Variants in NOX5 observed in about 807,000 individuals in gnomAD.
The protein encoded by NOX5 is NADPH oxidase, EF-hand calcium binding domain 5.
In NOX5, 76 loss-of-function variants were observed where a neutral mutation model predicts 85.7. The observed-to-expected ratio is 0.89, with a 90% CI of 0.74 to 1.07. The LOEUF (loss-of-function observed/expected upper bound fraction) is 1.07. NOX5 is among the 50% of genes least tolerant of loss of function. The probability of loss-of-function intolerance (pLI) is 0.00; values close to 1 mark genes in which losing one functional copy is unlikely to be tolerated. For synonymous variants in NOX5, 405 were observed against 401.4 expected (o/e 1.01, Z -0.11); for missense variants, 973 against 999.5 (o/e 0.97, Z 0.36).
chr15:69,043,926 C>T (rs947718780), intron 10 of NOX5, among the ~76,000 whole-genome samples: 40 of 152,248 alleles, frequency 2.6e-4, no homozygotes, highest in African/African-American at 9.4e-4. Flanking sequence ...TGGCTCACGC[C>T]TGTAATCCCA....
rs573642687 is a variant in NOX5 at position 69,054,073 on chromosome 15, G to A, written c.2000-1261G>A. ...TGGGTGTAGAGGAAGAGAGGGAGAG[G>A]AGAAGGATGAGGTGATCGTCAGTCA... is the stretch of plus-strand genomic sequence containing the variant. On this transcript the variant is annotated intron_variant, in intron 14 of 15. Coordinates refer to ENST00000388866, the MANE Select transcript of NOX5 (RefSeq NM_024505.4). Among the ~76,000 whole-genome samples, 244 of 152,060 alleles carry A rather than the reference G, an allele frequency of 1.6e-3. 2 individuals carry two copies. Among genetic ancestry groups the A allele is most frequent in the Non-Finnish European group, 3.0e-3 (204 of 68,006 alleles).
At chr15:69,030,286 G>A (rs763597329) in intron 3 of NOX5, 3 of 152,180 alleles carry the variant, frequency 2.0e-5, no homozygotes, top group African/African-American at 4.8e-5. Flanking sequence ...TACGCGCGAC[G>A]GGGAGCCATC....
At chr15:69,054,606 T>C (rs311904) in intron 14 of NOX5, among the ~76,000 whole-genome samples, 127,221 of 152,200 alleles carry the variant, frequency 0.84, 55,383 homozygotes, top group Non-Finnish European at 0.96. Flanking sequence ...CCTCTCACTC[T>C]GTACTCACAC....
In NOX5 at chr15:69,037,237, C is replaced by T. The variant is rs768495718; in HGVS notation, c.1371+27C>T. 1.6e-5 allele frequency: 25 copies of T among 1,596,098 alleles called. No homozygotes were observed. The East Asian group carries it at 5.6e-4, about 36-fold the overall frequency. Reference sequence around the variant, plus strand: ...TACAAAGGTGGGGGATGGGGAGGTGCTTTTCCAACTCACCCCAAGGGACAG... The same window carrying T: ...TACAAAGGTGGGGGATGGGGAGGTGTTTTTCCAACTCACCCCAAGGGACAG... On this transcript the variant is annotated intron_variant, in intron 8 of 15. Transcript: ENST00000388866.
intron 3 of NOX5, chr15:69,030,038 C>T (rs2050409294): frequency 2.6e-5 from 4 of 152,108 alleles, no homozygotes; most frequent in Admixed American, 2.0e-4. Context: ...ACTCACTGTA[C>T]TTATAGTGTC....
Position 69,047,511 on chromosome 15 carries a change from T to C in NOX5, c.1791T>C (p.Ala597=). The change falls in exon 12 of 16, where the codon GCT becomes GCC. Residue 597 remains alanine, a synonymous_variant. Transcript: ENST00000388866. ...IGAGIGITPF[A]SILQSIMYRH... The stretch of plus-strand genomic sequence containing the variant: ...CAGGCATCGGCATCACCCCCTTTGC[T>C]TCCATTCTGCAGAGTATCATGTACA... 6.2e-7 allele frequency: 1 copy of C among 1,614,022 alleles called. No individual in the cohort carries two copies. The highest frequency in any genetic ancestry group is 1.1e-5 in the South Asian group (1 of 91,076).
chr15:69,033,266 A>C lies in NOX5; in HGVS notation c.844A>C (p.Ser282Arg), dbSNP rs150003957. 19,969 of 1,594,468 alleles carry C rather than the reference A, an allele frequency of 0.013. 152 individuals are homozygous for C. Among genetic ancestry groups the C allele is most frequent in the South Asian group, 0.026 (2,324 of 89,788 alleles). ...GCGQCLNFDC[S>R]FIAVLMLRRC... ...CGGCCAGTGCCTCAACTTCGACTGC[A>C]GCTTCATCGCGGTAGGCTCTGCCAG... Residue 282 changes from serine (S) to arginine (R), a missense_variant, in exon 5 of 16, where the codon AGC (serine) becomes CGC (arginine). Coordinates refer to ENST00000388866, the MANE Select transcript of NOX5 (RefSeq NM_024505.4).
At chr15:69,022,864 T>G in intron 1 of NOX5, 1 of 388,126 alleles carries the variant, frequency 2.6e-6, no homozygotes, top group South Asian at 2.3e-5. Context: ...ACAACTGGAC[T>G]GGACTCAAGC....
intron 5 of NOX5, 66 bp from the exon 6 acceptor site, chr15:69,035,288 G>T: frequency 6.5e-7 from 1 of 1,548,598 alleles, no homozygotes; most frequent in Non-Finnish European, 8.8e-7. Flanking sequence ...GCAGGGAGGT[G>T]GCTGGGAAAA....
chr15:69,028,349 G>A lies in NOX5; in HGVS notation c.309G>A (p.Gln103=), dbSNP rs1444064962. The A allele has an allele frequency of 1.9e-6, 3 of 1,607,212 alleles. No homozygotes were observed. The Admixed American group carries it at 5.1e-5, about 27-fold the overall frequency. Residue 103 remains glutamine (Q), a synonymous_variant, in exon 3 of 16, where the codon CAG becomes CAA. Transcript: ENST00000388866. ...TGGACAAACTCAAATTCCTCTTCCAGGTGTATGACATCGATGGTAAGGGCT... is the reference window on the plus strand; with the variant it reads ...TGGACAAACTCAAATTCCTCTTCCAAGTGTATGACATCGATGGTAAGGGCT... ...SPMDKLKFLF[Q]VYDIDVCARQ... is the part of the protein sequence containing the mutation.
rs192004570 is a variant in NOX5, at chr15:69,016,055, G to A, written c.50+1270G>A. On this transcript the variant is annotated intron_variant, in intron 1 of 15. Transcript: ENST00000388866. ...CACGAGGGATGAGAAGGTCTGATGC[G>A]AAGCTCTCTTCCTCTTTTCCAGCTG... is the stretch of plus-strand genomic sequence containing the variant. Among the ~76,000 whole-genome samples the A allele has an allele frequency of 1.2e-4, 19 of 152,318 alleles. No individual in the cohort carries two copies. In the East Asian group the frequency reaches 2.3e-3, roughly 19 times the overall value.
At chr15:69,036,955 C>A in intron 7 of NOX5, 73 bp from the exon 8 acceptor site, 1 of 1,223,098 alleles carries the variant, frequency 8.2e-7, no homozygotes, top group Non-Finnish European at 1.2e-6. Context: ...TTGAGGATAA[C>A]CCTGAGTCCT....
chr15:69,031,660 G>C lies in NOX5; in HGVS notation c.468G>C (p.Glu156Asp). Residue 156 changes from glutamate (E) to aspartate (D), a missense_variant, in exon 4 of 16, where the codon GAG (glutamate) becomes GAC (aspartate). Coordinates refer to ENST00000388866, the MANE Select transcript of NOX5 (RefSeq NM_024505.4). ...LRTVLQSCLRESAISLPDEKL... is the reference protein window; with the variant it reads ...LRTVLQSCLRDSAISLPDEKL... ...CTGTGCTGCAGTCGTGTCTGCGCGAGAGCGCCATCTCGCTGCCTGACGAGA... is the reference window on the plus strand; with the variant it reads ...CTGTGCTGCAGTCGTGTCTGCGCGACAGCGCCATCTCGCTGCCTGACGAGA... 6.2e-7 allele frequency: 1 copy of C among 1,613,356 alleles called. No homozygotes were observed. Among genetic ancestry groups the C allele is most frequent in the Non-Finnish European group, 8.5e-7 (1 of 1,179,952 alleles).
At chr15:69,016,263 C>A (rs566789957) in intron 1 of NOX5, among the ~76,000 whole-genome samples, 1 of 152,160 alleles carries the variant, frequency 6.6e-6, no homozygotes, top group Non-Finnish European at 1.5e-5. Flanking sequence ...ATTGCCCTGG[C>A]CCTTGACACT....
At chr15:69,041,801 G>A (rs904344898) in intron 9 of NOX5, among the ~76,000 whole-genome samples, 2 of 152,164 alleles carry the variant, frequency 1.3e-5, no homozygotes, top group South Asian at 2.1e-4. Flanking sequence ...GGCCCAGGAC[G>A]GCTTTGAATG....
rs2050820473 is a variant in NOX5, at chr15:69,056,962, C to T, written c.*266C>T. On this transcript the variant is annotated 3_prime_UTR_variant, in exon 16 of 16. Transcript: ENST00000388866. Reference sequence around the variant, plus strand: ...AAGTGAGGGAACCAGAGGCTGGTCACGGGAGCTTGGGGGTGGGGTTCGAGG... The same window carrying T: ...AAGTGAGGGAACCAGAGGCTGGTCATGGGAGCTTGGGGGTGGGGTTCGAGG... 6.7e-6 allele frequency: 2 copies of T among 299,252 alleles called. No homozygotes were observed. The highest frequency in any genetic ancestry group is 6.1e-6 in the Non-Finnish European group (1 of 163,802). The allele number at this position is 299,252 out of a possible 1,614,324, so 18.5% of individuals were successfully genotyped here. A position where few individuals can be genotyped will look rare whatever the true frequency, so the allele number is the denominator to read the frequency against.
At chr15:69,031,491 A>G in intron 3 of NOX5, 27 bp from the exon 4 acceptor site, 1 of 1,583,400 alleles carries the variant, frequency 6.3e-7, no homozygotes, top group Non-Finnish European at 8.6e-7. Flanking sequence ...AGGTGGGTAA[A>G]CAGAAGAGGC....
At chr15:69,023,058 A>G (rs1461078145) in intron 1 of NOX5, 3 of 444,550 alleles carry the variant, frequency 6.7e-6, no homozygotes, top group Admixed American at 5.4e-5. Flanking sequence ...CTTTGCATCA[A>G]CTGGTTACCA....
At chr15:69,038,576 G>A (rs1377141863) in intron 8 of NOX5, among the ~76,000 whole-genome samples, 1 of 152,158 alleles carries the variant, frequency 6.6e-6, no homozygotes, top group Non-Finnish European at 1.5e-5. Context: ...GTCACAGAGG[G>A]TCCACTAAAA....
Sources: allele counts gnomAD v4.1 joint callset (sites outside exome capture counted in the v4.1 genomes callset), GRCh38; gene constraint gnomAD v4.1.1; transcripts MANE v1.5; gene names NCBI Gene and HGNC (gene_info 2026-07-23, HGNC 2026-07-21).